Variants in ENPP1 observed in about 807,000 individuals in gnomAD.
ENPP1 encodes the protein ectonucleotide pyrophosphatase/phosphodiesterase 1.
In ENPP1, 73 loss-of-function variants were observed where a neutral mutation model predicts 122.8. That is an observed-to-expected ratio of 0.59 (90% CI 0.49 to 0.72). ENPP1 has a LOEUF of 0.72. ENPP1 is among the 30% of genes least tolerant of loss of function. The pLI is 0.00. For missense variants in ENPP1, 978 were observed against 1,128.1 expected, an observed-to-expected ratio of 0.87 and a Z score of 1.91; for synonymous variants, 367 against 391.6, an observed-to-expected ratio of 0.94 and a Z score of 0.74.
intron 7 of ENPP1, among the ~76,000 whole-genome samples, 172 bp from the exon 8 acceptor site, chr6:131,860,215 A>G (rs540161225): frequency 7.9e-5 from 12 of 152,316 alleles, no homozygotes; most frequent in African/African-American, 2.9e-4. Flanking sequence ...ACTACATAAA[A>G]TCTTAAGAGG....
intron 3 of ENPP1, 46 bp from the exon 4 acceptor site, chr6:131,851,096 G>C: frequency 6.2e-7 from 1 of 1,609,214 alleles, no homozygotes; most frequent in Non-Finnish European, 8.5e-7. Context: ...CTTTGGACAT[G>C]TTGAATTTGA....
intron 21 of ENPP1, among the ~76,000 whole-genome samples, chr6:131,882,924 A>G (rs1207059332): frequency 1.3e-5 from 2 of 152,086 alleles, no homozygotes; most frequent in Non-Finnish European, 2.9e-5. Flanking sequence ...TCTTAGGAAG[A>G]TAACTTTGTT....
At chr6:131,843,277 C>G (rs144311438) in intron 1 of ENPP1, among the ~76,000 whole-genome samples, 1 of 152,258 alleles carries the variant, frequency 6.6e-6, no homozygotes, top group East Asian at 1.9e-4. Flanking sequence ...ATGGATGTGA[C>G]TGTCAATGAG....
intron 6 of ENPP1, among the ~76,000 whole-genome samples, chr6:131,855,637 A>T (rs1363236931): frequency 6.6e-6 from 1 of 152,082 alleles, no homozygotes; most frequent in Non-Finnish European, 1.5e-5. Context: ...TATTTTACAG[A>T]TATTTTATTT....
chr6:131,879,084 C>A (rs917691980), intron 19 of ENPP1, among the ~76,000 whole-genome samples: 1 of 152,154 alleles, frequency 6.6e-6, no homozygotes. Context: ...CTATAATACA[C>A]TCTCTCAGCC....
At chr6:131,882,300 C>T (rs1411711392) in intron 20 of ENPP1, 45 bp from the exon 21 acceptor site, 2 of 1,559,522 alleles carry the variant, frequency 1.3e-6, no homozygotes, top group Non-Finnish European at 8.7e-7. Flanking sequence ...CAATTTTCTT[C>T]TCTGTGCCTG....
rs1781953894 is a variant in ENPP1, at chr6:131,856,888, T to C, written c.716-1780T>C. Among the ~76,000 whole-genome samples the C allele has an allele frequency of 3.3e-5, 5 of 152,266 alleles. No homozygotes were observed. In the South Asian group the frequency reaches 1.0e-3, roughly 32 times the overall value. On this transcript the variant is annotated intron_variant, in intron 6 of 24. Transcript: ENST00000647893. ...ACCAGTACCATGCTGTTTTGGTTAC[T>C]GTAGCCTTGTAGTATAGTTCGAAGT...
chr6:131,811,758 C>T (rs1297332352), intron 1 of ENPP1, among the ~76,000 whole-genome samples: 1 of 152,162 alleles, frequency 6.6e-6, no homozygotes, highest in Non-Finnish European at 1.5e-5. Flanking sequence ...TCATGTCCCT[C>T]TGGGCCTGAT....
intron 1 of ENPP1, among the ~76,000 whole-genome samples, chr6:131,813,491 T>C (rs1198104505): frequency 6.6e-6 from 1 of 151,402 alleles, no homozygotes; most frequent in Non-Finnish European, 1.5e-5. Flanking sequence ...GATTGCACCA[T>C]TACACTCCAG....
intron 1 of ENPP1, among the ~76,000 whole-genome samples, chr6:131,829,819 G>A (rs1781588207): frequency 6.6e-6 from 1 of 152,108 alleles, no homozygotes; most frequent in Admixed American, 6.5e-5. Context: ...TGGGACCCTG[G>A]GCAGATGCAG....
In ENPP1 at chr6:131,895,067, A is replaced by G. The variant is rs1202822937; in HGVS notation, c.*4556A>G. 9 of 152,232 alleles carry G rather than the reference A, an allele frequency of 5.9e-5. No homozygotes were observed. Among genetic ancestry groups the G allele is most frequent in the Admixed American group, 5.9e-4 (9 of 15,290 alleles). 9.4% of individuals were successfully genotyped at this position (152,232 alleles called of 1,614,324 possible). On this transcript the variant is annotated 3_prime_UTR_variant, in exon 25 of 25. Transcript: ENST00000647893. ...TCCCTGGTTTTTGGCCAGTCTAAAT[A>G]TTGTAAGAGAGAGAGAAGAAAAGTG...
chr6:131,849,265 C>T (rs1781851736), intron 2 of ENPP1, among the ~76,000 whole-genome samples: 1 of 152,096 alleles, frequency 6.6e-6, no homozygotes, highest in South Asian at 2.1e-4. Context: ...CAGATGTGGT[C>T]TTGGTTTGCC....
chr6:131,827,377 C>A, intron 1 of ENPP1: 1 of 837,682 alleles, frequency 1.2e-6, no homozygotes, highest in Non-Finnish European at 2.1e-6. Flanking sequence ...TCTCTTAACA[C>A]CTCAAAGGAA....
chr6:131,827,537 G>T, intron 1 of ENPP1: 1 of 612,240 alleles, frequency 1.6e-6, no homozygotes, highest in Non-Finnish European at 3.0e-6. Flanking sequence ...TCCTGTAAAA[G>T]CCTACATGTC....
Position 131,851,170 on chromosome 6 carries a change from G to C in ENPP1, c.459G>C (p.Arg153Ser). The change falls in exon 4 of 25, where the codon AGG becomes AGC. Residue 153 changes from arginine (R) to serine (S), a missense_variant. Physicochemically the swap from Arg to Ser is moderately radical, Grantham distance 110. Transcript: ENST00000647893. ...ATATATGGACTTGCAACAAATTCAGGTGTGGTGAGAAAAGGTTGACCAGAA... is the reference window on the plus strand; with the variant it reads ...ATATATGGACTTGCAACAAATTCAGCTGTGGTGAGAAAAGGTTGACCAGAA... ...PEHIWTCNKF[R>S]CGEKRLTRSL... 1 of 1,614,058 alleles carries C rather than the reference G, an allele frequency of 6.2e-7. No homozygotes were observed. The highest frequency in any genetic ancestry group is 8.5e-7 in the Non-Finnish European group (1 of 1,179,942).
intron 1 of ENPP1, among the ~76,000 whole-genome samples, chr6:131,831,131 A>G (rs1391074804): frequency 2.0e-5 from 3 of 151,370 alleles, no homozygotes; most frequent in Admixed American, 6.6e-5. Context: ...AAAAAAAAAA[A>G]AAAAAAGAAA....
chr6:131,842,104 C>T (rs1261569484), intron 1 of ENPP1, among the ~76,000 whole-genome samples: 1 of 152,174 alleles, frequency 6.6e-6, no homozygotes, highest in Non-Finnish European at 1.5e-5. Flanking sequence ...TGCTTATCAA[C>T]CCCCGGTCCT....
intron 1 of ENPP1, chr6:131,820,757 A>C (rs925238720): frequency 6.6e-6 from 1 of 152,236 alleles, no homozygotes; most frequent in Non-Finnish European, 1.5e-5. Context: ...ACTTTCCAAG[A>C]TCACAAAATC....
rs1782459054 is a variant in ENPP1 at position 131,890,764 on chromosome 6, A to G, written c.*253A>G. Reference sequence around the variant, plus strand: ...AAGTTCGGGGGAATAAAGACAGACCACACCTAAAACTGCCTTTCTGCTTCT... The same window carrying G: ...AAGTTCGGGGGAATAAAGACAGACCGCACCTAAAACTGCCTTTCTGCTTCT... On this transcript the variant is annotated 3_prime_UTR_variant, in exon 25 of 25. Coordinates refer to ENST00000647893, the MANE Select transcript of ENPP1 (RefSeq NM_006208.3). 1 of 492,686 alleles carries G rather than the reference A, an allele frequency of 2.0e-6. No homozygotes were observed. Among genetic ancestry groups the G allele is most frequent in the Non-Finnish European group, 3.7e-6 (1 of 273,694 alleles). The allele number at this position is 492,686 out of a possible 1,614,324, so 30.5% of individuals were successfully genotyped here.
Sources: gnomAD v4.1 joint callset for allele counts (sites outside exome capture counted in the v4.1 genomes callset) on GRCh38, gnomAD v4.1.1 for gene constraint, MANE v1.5 for transcripts, NCBI Gene and HGNC (gene_info 2026-07-23, HGNC 2026-07-21) for gene names.